CPA1: variants seen among roughly 807,000 people sequenced by gnomAD.
The protein encoded by CPA1 is carboxypeptidase A1 (pancreatic).
A neutral mutation model predicts 48.7 loss-of-function variants in CPA1; 42 were observed. That is an observed-to-expected ratio of 0.86 (90% confidence interval 0.67 to 1.11). The LOEUF is 1.11. CPA1 is among the 50% of genes most tolerant of loss of function. The pLI is 0.00. For synonymous variants in CPA1, 203 were observed against 217.9 expected, an observed-to-expected ratio of 0.93 and a Z score of 0.60; for missense variants, 477 against 544.7, an observed-to-expected ratio of 0.88 and a Z score of 1.24.
In CPA1 at chr7:130,382,139, A is replaced by C; in HGVS notation, c.413A>C (p.Glu138Ala). 4 of 1,614,224 alleles carry C rather than the reference A, an allele frequency of 2.5e-6. No homozygotes were observed. Among genetic ancestry groups the C allele is most frequent in the Non-Finnish European group, 3.4e-6 (4 of 1,180,030 alleles). The stretch of plus-strand genomic sequence containing the variant: ...GACTTCCTGGACCTGCTGGTGGCGG[A>C]GAACCCGCACCTTGTCAGCAAGATC... ...IYDFLDLLVA[E>A]NPHLVSKIQI... is the part of the protein sequence containing the mutation. The change falls in exon 4 of 10, where the codon GAG becomes GCG. Residue 138 changes from glutamate (E) to alanine (A), a missense_variant. Physicochemically the swap from Glu to Ala is moderately radical, Grantham distance 107. Transcript: ENST00000011292.
chr7:130,385,355 G>A lies in CPA1; in HGVS notation c.987+10G>A, dbSNP rs1554411849. 2 of 1,613,882 alleles carry A rather than the reference G, an allele frequency of 1.2e-6. No homozygotes were observed. The highest frequency in any genetic ancestry group is 2.2e-5 in the East Asian group (1 of 44,876). ...TGACCAGGATGAGCTGGTAGGCACT[G>A]ACCTCGGCTTGCCCCCTCGTCCCCA... On this transcript the variant is annotated intron_variant, in intron 8 of 9. Coordinates refer to ENST00000011292, the MANE Select transcript of CPA1 (RefSeq NM_001868.4).
rs531915568 is a variant in CPA1 at position 130,380,973 on chromosome 7, C to T, written c.66-125C>T. 320 of 765,708 alleles carry T rather than the reference C, an allele frequency of 4.2e-4. 6 individuals are homozygous for T. In the East Asian group the frequency reaches 8.5e-3, roughly 20 times the overall value. The allele number at this position is 765,708 out of a possible 1,614,324, so 47.4% of individuals were successfully genotyped here. A position where few individuals can be genotyped will look rare whatever the true frequency, so the allele number is the denominator to read the frequency against. ...TGAGACCCTTGGTGCTGTCCCCTGC[C>T]CAGCCCAGAGGACGAGGCCCAGTCT... On this transcript the variant is annotated intron_variant, in intron 1 of 9. Coordinates refer to ENST00000011292, the MANE Select transcript of CPA1 (RefSeq NM_001868.4).
In CPA1 at chr7:130,385,857, G is replaced by T. The variant is rs375136235; in HGVS notation, c.1006G>T (p.Ala336Ser). 6.2e-7 allele frequency: 1 copy of T among 1,613,982 alleles called. No homozygotes were observed. Among genetic ancestry groups the T allele is most frequent in the Non-Finnish European group, 8.5e-7 (1 of 1,180,014 alleles). Reference sequence around the variant, plus strand: ...TGTCCAGGATCAGCTTTCCAAGGCTGCTGTGACAGCCCTGGCCTCTCTCTA... The same window carrying T: ...TGTCCAGGATCAGCTTTCCAAGGCTTCTGTGACAGCCCTGGCCTCTCTCTA... ...QDELDQLSKAAVTALASLYGT... is the reference protein window; with the variant it reads ...QDELDQLSKASVTALASLYGT... The change falls in exon 9 of 10, where the codon GCT becomes TCT. Residue 336 changes from alanine (A) to serine (S), a missense_variant. Physicochemically the swap from Ala to Ser is moderately conservative, Grantham distance 99 (BLOSUM62 1). Coordinates refer to ENST00000011292, the MANE Select transcript of CPA1 (RefSeq NM_001868.4).
At chr7:130,384,000 G>A (rs781998444) in intron 6 of CPA1, 13 of 590,052 alleles carry the variant, frequency 2.2e-5, no homozygotes, top group South Asian at 4.0e-5. Context: ...GTGCATCCAC[G>A]GTGTTTCTAG....
chr7:130,384,147 C>T (rs1796442335), intron 6 of CPA1: 2 of 435,760 alleles, frequency 4.6e-6, no homozygotes, highest in Admixed American at 3.8e-5. Flanking sequence ...TGCCCCAGAC[C>T]TTACTTCCTG....
intron 7 of CPA1, 112 bp from the exon 8 acceptor site, chr7:130,385,034 T>G: frequency 4.8e-6 from 5 of 1,050,022 alleles, no homozygotes; most frequent in Non-Finnish European, 7.2e-6. Flanking sequence ...AATCCAGGGG[T>G]GGGAGTGAGC....
At chr7:130,381,931 A>G in intron 3 of CPA1, 68 bp downstream of exon 3, 8 of 1,470,700 alleles carry the variant, frequency 5.4e-6, no homozygotes, top group Non-Finnish European at 7.5e-6. Context: ...AGAACGCGGT[A>G]GGGCCAAGGC....
Position 130,385,902 on chromosome 7 carries a change from G to T in CPA1, c.1051G>T (p.Gly351Cys), listed in dbSNP as rs781818978. The T allele has an allele frequency of 1.2e-6, 2 of 1,614,102 alleles. No homozygotes were observed. The highest frequency in any genetic ancestry group is 2.2e-5 in the South Asian group (2 of 91,056). Residue 351 changes from glycine (G) to cysteine (C), a missense_variant, in exon 9 of 10, where the codon GGC becomes TGC. Physicochemically the swap from Gly to Cys is radical, Grantham distance 159 (BLOSUM62 -3). Coordinates refer to ENST00000011292, the MANE Select transcript of CPA1 (RefSeq NM_001868.4). ...ASLYGTKFNY[G>C]SIIKAIYQAS... ...TCTCTACGGGACCAAGTTCAACTAT[G>T]GCAGCATCATCAAGGCAATTTGTAA...
intron 9 of CPA1, among the ~76,000 whole-genome samples, chr7:130,386,860 A>G (rs1796483067): frequency 6.6e-6 from 1 of 152,156 alleles, no homozygotes. Flanking sequence ...GGTGAGGTGA[A>G]TCGGGAACAC....
At chr7:130,386,318 G>A (rs576217595) in intron 9 of CPA1, among the ~76,000 whole-genome samples, 1 of 151,986 alleles carries the variant, frequency 6.6e-6, no homozygotes, top group Non-Finnish European at 1.5e-5. Context: ...GGATCACGAG[G>A]TCAGGAGATA....
chr7:130,383,767 T>C lies in CPA1; in HGVS notation c.669T>C (p.Pro223=). ...LDIFLEIVTN[P]DGFAFTHSTN... Reference sequence around the variant, plus strand: ...TCTTCCTGGAGATCGTCACCAACCCTGATGGCTTTGCCTTCACGCACAGCA... The same window carrying C: ...TCTTCCTGGAGATCGTCACCAACCCCGATGGCTTTGCCTTCACGCACAGCA... The change falls in exon 6 of 10, where the codon CCT becomes CCC. Residue 223 remains proline, a synonymous_variant. Transcript: ENST00000011292. 6.2e-7 allele frequency: 1 copy of C among 1,614,086 alleles called. No individual in the cohort carries two copies. The highest frequency in any genetic ancestry group is 8.5e-7 in the Non-Finnish European group (1 of 1,179,910).
chr7:130,381,871 C>CG lies in CPA1; in HGVS notation c.381+9dup, dbSNP rs782356356. 6.2e-7 allele frequency: 1 copy of CG among 1,610,032 alleles called. No individual in the cohort carries two copies. The highest frequency in any genetic ancestry group is 8.5e-7 in the Non-Finnish European group (1 of 1,177,878). On this transcript the variant is annotated intron_variant, in intron 3 of 9. Transcript: ENST00000011292. Reference sequence around the variant, plus strand: ...TACCACACCCTGGAGGAGGTGAGGGCGCCCCTAGCGGCCGCTCCCTGCAGC... The same window carrying CG: ...TACCACACCCTGGAGGAGGTGAGGGCGGCCCCTAGCGGCCGCTCCCTGCAGC...
chr7:130,381,679 G>T lies in CPA1; in HGVS notation c.197G>T (p.Arg66Leu). The change falls in exon 3 of 10, where the codon CGA (arginine) becomes CTA (leucine). Residue 66 changes from arginine (R) to leucine (L), a missense_variant. By Grantham distance (102) the Arg-to-Leu change is moderately radical (BLOSUM62 -2). Transcript: ENST00000011292. ...PAHPGSPIDV[R>L]VPFPSIQAVK... Reference sequence around the variant, plus strand: ...CACCCTGGCTCCCCCATCGACGTCCGAGTGCCCTTCCCCAGCATCCAGGCG... The same window carrying T: ...CACCCTGGCTCCCCCATCGACGTCCTAGTGCCCTTCCCCAGCATCCAGGCG... The T allele has an allele frequency of 6.2e-7, 1 of 1,614,004 alleles. No homozygotes were observed. Among genetic ancestry groups the T allele is most frequent in the Admixed American group, 1.7e-5 (1 of 60,016 alleles).
Position 130,384,630 on chromosome 7 carries a change from A to G in CPA1, c.787+4A>G, listed in dbSNP as rs1554411744. The G allele has an allele frequency of 6.2e-7, 1 of 1,612,616 alleles. No homozygotes were observed. Among genetic ancestry groups the G allele is most frequent in the South Asian group, 1.1e-5 (1 of 91,044 alleles). On this transcript the variant is annotated splice_donor_region_variant and intron_variant, in intron 7 of 9. Transcript: ENST00000011292. ...AACTGGGACGCTGGCTTTGGGTGTAAGGCCCAGAGTGTCTTGGGAGCAAGG... is the reference window on the plus strand; with the variant it reads ...AACTGGGACGCTGGCTTTGGGTGTAGGGCCCAGAGTGTCTTGGGAGCAAGG...
Position 130,381,645 on chromosome 7 carries a change from G to T in CPA1, c.163G>T (p.Gly55Trp), listed in dbSNP as rs150333128. The change falls in exon 3 of 10, where the codon GGG becomes TGG. Residue 55 changes from glycine to tryptophan, a missense_variant. Coordinates refer to ENST00000011292, the MANE Select transcript of CPA1 (RefSeq NM_001868.4). ...TCCTCCCCAGCTGGACTTCTGGCGG[G>T]GGCCTGCCCACCCTGGCTCCCCCAT... ...LEHLQLDFWR[G>W]PAHPGSPIDV... 3.7e-6 allele frequency: 6 copies of T among 1,613,530 alleles called. No individual in the cohort carries two copies. The highest frequency in any genetic ancestry group is 2.7e-5 in the African/African-American group (2 of 74,912).
At chr7:130,382,981 A>G (rs1310621846) in intron 4 of CPA1, among the ~76,000 whole-genome samples, 1 of 151,470 alleles carries the variant, frequency 6.6e-6, no homozygotes, top group Non-Finnish European at 1.5e-5. Flanking sequence ...GGGTTTTGCC[A>G]TGTTGCCTTG....
chr7:130,380,741 T>C, intron 1 of CPA1, 156 bp downstream of exon 1: 1 of 484,078 alleles, frequency 2.1e-6, no homozygotes, highest in Non-Finnish European at 3.6e-6. Flanking sequence ...CAACCAGGGT[T>C]GGGAAGAGGT....
At chr7:130,383,240 C>A in intron 4 of CPA1, 151 bp from the exon 5 acceptor site, 1 of 714,746 alleles carries the variant, frequency 1.4e-6, no homozygotes, top group Admixed American at 2.0e-5. Flanking sequence ...AGCCCCAAAC[C>A]CACCTGAGTG....
At chr7:130,383,213 A>T (rs1360910655) in intron 4 of CPA1, among the ~76,000 whole-genome samples, 178 bp from the exon 5 acceptor site, 1 of 152,168 alleles carries the variant, frequency 6.6e-6, no homozygotes, top group African/African-American at 2.4e-5. Flanking sequence ...GCTCTGTGGG[A>T]TCCCTGTCCA....
Sources: gnomAD v4.1 joint callset for allele counts (sites outside exome capture counted in the v4.1 genomes callset) on GRCh38, gnomAD v4.1.1 for gene constraint, MANE v1.5 for transcripts, NCBI Gene and HGNC (gene_info 2026-07-23, HGNC 2026-07-21) for gene names.